Variants in RTF1 observed in about 807,000 individuals in gnomAD.
RTF1 encodes RNA polymerase-associated protein RTF1 homolog.
A neutral mutation model predicts 95.7 loss-of-function variants in RTF1; 10 were observed. That is an observed-to-expected ratio of 0.10 (90% CI 0.06 to 0.18). RTF1 has a LOEUF of 0.18. Ranked by LOEUF, RTF1 falls within the 10% of genes least tolerant of loss-of-function variation. The pLI is 1.00. For synonymous variants in RTF1, 305 were observed against 311.8 expected (o/e 0.98, Z 0.23); for missense variants, 458 against 875.6 (o/e 0.52, Z 6.02).
chr15:41,474,476 C>G (rs2050932118), intron 8 of RTF1, 144 bp from the exon 9 acceptor site: 2 of 669,274 alleles, frequency 3.0e-6, no homozygotes, highest in Non-Finnish European at 5.4e-6. Flanking sequence ...CCTGAGAAAC[C>G]TTTCTCAGAA....
intron 1 of RTF1, among the ~76,000 whole-genome samples, chr15:41,423,992 A>G (rs1189547609): frequency 6.6e-6 from 1 of 152,126 alleles, no homozygotes; most frequent in Non-Finnish European, 1.5e-5. Context: ...ACCTCAAGTG[A>G]TCCGCCCTCC....
chr15:41,461,291 C>G (rs1286198152), intron 4 of RTF1, among the ~76,000 whole-genome samples: 5 of 152,120 alleles, frequency 3.3e-5, no homozygotes, highest in African/African-American at 4.8e-5. Context: ...AGATGATCCA[C>G]CCGCCTCTGC....
At chr15:41,470,486 C>G (rs1445501609) in intron 7 of RTF1, 94 bp downstream of exon 7, 2 of 1,303,254 alleles carry the variant, frequency 1.5e-6, no homozygotes, top group African/African-American at 1.5e-5. Context: ...GGTTGGGCCA[C>G]TAACTCTGAC....
intron 1 of RTF1, among the ~76,000 whole-genome samples, chr15:41,430,550 G>A (rs945929400): frequency 1.3e-5 from 2 of 151,818 alleles, no homozygotes; most frequent in Admixed American, 1.3e-4. Flanking sequence ...GACCAGCCTG[G>A]GCAACATGAT....
chr15:41,423,614 C>T (rs2050613980), intron 1 of RTF1, among the ~76,000 whole-genome samples: 1 of 152,098 alleles, frequency 6.6e-6, no homozygotes, highest in Non-Finnish European at 1.5e-5. Flanking sequence ...GATGATCCAC[C>T]CACCTCGGCC....
intron 4 of RTF1, among the ~76,000 whole-genome samples, chr15:41,460,268 G>A (rs1256077592): frequency 6.6e-6 from 1 of 150,976 alleles, no homozygotes; most frequent in South Asian, 2.1e-4. Context: ...GATTACAGAC[G>A]CCCGCCACAA....
At chr15:41,430,170 G>A (rs1455674968) in intron 1 of RTF1, among the ~76,000 whole-genome samples, 1 of 146,148 alleles carries the variant, frequency 6.8e-6, no homozygotes, top group Admixed American at 6.9e-5. Flanking sequence ...ACCATGTCTG[G>A]CTAATTTTTT....
rs570140884 is a variant in RTF1 at position 41,417,212 on chromosome 15, C to T, written c.97C>T (p.Arg33Trp). Residue 33 changes from arginine to tryptophan, a missense_variant, in exon 1 of 18, where the codon CGG becomes TGG. Coordinates refer to ENST00000389629, the MANE Select transcript of RTF1 (RefSeq NM_015138.5). ...GGQEGSPGGG[R>W]RGSRGTTMVK... The stretch of plus-strand genomic sequence containing the variant: ...GCAAGAGGGGAGTCCGGGCGGCGGC[C>T]GGCGTGGGAGCCGGGGGACCACCAT... 8.1e-5 allele frequency: 102 copies of T among 1,262,138 alleles called. No individual in the cohort carries two copies. In the South Asian group the frequency reaches 3.4e-3, roughly 42 times the overall value. 78.2% of individuals were successfully genotyped at this position (1,262,138 alleles called of 1,614,324 possible). A position where few individuals can be genotyped will look rare whatever the true frequency, so the allele number is the denominator to read the frequency against.
chr15:41,446,762 A>G (rs2050765473), intron 2 of RTF1, among the ~76,000 whole-genome samples: 1 of 151,450 alleles, frequency 6.6e-6, no homozygotes, highest in South Asian at 2.1e-4. Flanking sequence ...CCATTTCTTT[A>G]GACCCTAATC....
chr15:41,471,559 G>C (rs888202646), intron 8 of RTF1, among the ~76,000 whole-genome samples: 1 of 152,202 alleles, frequency 6.6e-6, no homozygotes, highest in South Asian at 2.1e-4. Context: ...GGGCCTGGAA[G>C]ATTTGGATGT....
At chr15:41,450,753 C>T (rs541104428) in intron 2 of RTF1, among the ~76,000 whole-genome samples, 2 of 152,054 alleles carry the variant, frequency 1.3e-5, no homozygotes, top group South Asian at 4.2e-4. Context: ...AGTCTGAGAC[C>T]AGCCTTAGTG....
intron 1 of RTF1, among the ~76,000 whole-genome samples, chr15:41,427,750 G>A (rs2050643577): frequency 6.6e-6 from 1 of 152,054 alleles, no homozygotes; most frequent in Admixed American, 6.6e-5. Flanking sequence ...AATTTTTGTT[G>A]AATAAGCAGA....
At chr15:41,445,378 T>C (rs1043103166) in intron 2 of RTF1, among the ~76,000 whole-genome samples, 5 of 152,210 alleles carry the variant, frequency 3.3e-5, no homozygotes, top group African/African-American at 1.2e-4. Flanking sequence ...TGCTCAAATG[T>C]ATTTTCAAGA....
chr15:41,477,022 G>GTACTTC, intron 12 of RTF1, 143 bp from the exon 13 acceptor site: 1 of 996,990 alleles, frequency 1.0e-6, no homozygotes, highest in Non-Finnish European at 1.5e-6. Flanking sequence ...TATTTGTAAA[G>GTACTTC]TACTTCTACA....
intron 3 of RTF1, among the ~76,000 whole-genome samples, chr15:41,456,277 G>T (rs562575418): frequency 6.6e-6 from 1 of 150,834 alleles, no homozygotes; most frequent in Non-Finnish European, 1.5e-5. Context: ...ATGAGGTCAG[G>T]AGATTGAGAC....
chr15:41,432,264 C>T (rs1595425945), intron 1 of RTF1, among the ~76,000 whole-genome samples: 1 of 149,768 alleles, frequency 6.7e-6, no homozygotes, highest in East Asian at 2.0e-4. Context: ...GTGGCACAAT[C>T]TCGGCCCACT....
chr15:41,455,400 G>A (rs316613), intron 3 of RTF1, among the ~76,000 whole-genome samples: 52,030 of 151,946 alleles, frequency 0.34, 9,062 homozygotes, highest in African/African-American at 0.4. Context: ...AGCAACTTCA[G>A]TGGAGCTGGA....
At chr15:41,448,508 A>G (rs1029241778) in intron 2 of RTF1, among the ~76,000 whole-genome samples, 14 of 152,034 alleles carry the variant, frequency 9.2e-5, no homozygotes, top group African/African-American at 1.9e-4. Context: ...ACTCACAGCA[A>G]TTCTCATTTT....
At chr15:41,478,441 CT>C (rs113160783) in intron 14 of RTF1, 106 bp from the exon 15 acceptor site, 64,725 of 523,740 alleles carry the variant, frequency 0.12, 1 homozygote, top group East Asian at 0.18. Flanking sequence ...AGGATAATAG[CT>C]TTTTTTTTTT....
Sources: gnomAD v4.1 joint callset for allele counts (sites outside exome capture counted in the v4.1 genomes callset) on GRCh38, gnomAD v4.1.1 for gene constraint, MANE v1.5 for transcripts, NCBI Gene and HGNC (gene_info 2026-07-23, HGNC 2026-07-21) for gene names.